Variants in KLRD1 observed in about 807,000 individuals in gnomAD.
The protein encoded by KLRD1 is natural killer cells antigen CD94.
In KLRD1, 21 loss-of-function variants were observed where a neutral mutation model predicts 22.6. The ratio of observed to expected loss-of-function variants is 0.93; its 90% CI spans 0.66 to 1.34. The LOEUF is 1.34. Among genes scored for constraint, KLRD1 ranks in the 40% most tolerant of loss-of-function variants. The pLI is 0.00. For synonymous variants in KLRD1, 59 were observed against 71.1 expected, an observed-to-expected ratio of 0.83 and a Z score of 0.85; for missense variants, 183 against 208.6, an observed-to-expected ratio of 0.88 and a Z score of 0.76.
At chr12:10,290,831 A>T (rs923962719) in intron 1 of KLRD1, among the ~76,000 whole-genome samples, 1 of 143,264 alleles carries the variant, frequency 7.0e-6, no homozygotes, top group African/African-American at 3.0e-5. Flanking sequence ...ATAAAATGAC[A>T]TATATATATA....
At position 10,315,027 on chromosome 12, in the gene KLRD1, ATG is replaced by A; in HGVS notation, c.*236_*237del. On this transcript the variant is annotated 3_prime_UTR_variant, in exon 6 of 6. Coordinates refer to ENST00000336164, the MANE Select transcript of KLRD1 (RefSeq NM_002262.5). Reference sequence around the variant, plus strand: ...ATAAAGAATTTTGTATTTTCATTTAATGTATATATTTAATGTTAAATTCAATG... The same window carrying A: ...ATAAAGAATTTTGTATTTTCATTTAATATATATTTAATGTTAAATTCAATG... 1 of 316,770 alleles carries A rather than the reference ATG, an allele frequency of 3.2e-6. No homozygotes were observed. Among genetic ancestry groups the A allele is most frequent in the Non-Finnish European group, 5.6e-6 (1 of 179,990 alleles). 19.6% of individuals were successfully genotyped at this position (316,770 alleles called of 1,614,324 possible).
intron 1 of KLRD1, among the ~76,000 whole-genome samples, chr12:10,282,262 T>C (rs1345371846): frequency 1.3e-5 from 2 of 151,966 alleles, no homozygotes; most frequent in Non-Finnish European, 2.9e-5. Flanking sequence ...ACATACATTT[T>C]TTTTTTTTTT....
At chr12:10,308,433 T>A in intron 1 of KLRD1, 1 of 260,688 alleles carries the variant, frequency 3.8e-6, no homozygotes, top group Middle Eastern at 1.4e-3. Flanking sequence ...GCTGAAAAGG[T>A]TTTAATTGAC....
chr12:10,274,945 C>T (rs1483832810), intron 1 of KLRD1, among the ~76,000 whole-genome samples: 1 of 152,106 alleles, frequency 6.6e-6, no homozygotes, highest in Non-Finnish European at 1.5e-5. Flanking sequence ...GGCTGGAGTG[C>T]AATGGTGTGA....
upstream of KLRD1, among the ~76,000 whole-genome samples, chr12:10,305,864 T>C (rs563388606): frequency 7.2e-5 from 11 of 151,898 alleles, no homozygotes; most frequent in African/African-American, 2.7e-4. Context: ...CGTACAAAAA[T>C]AAATAGAAAG....
rs1286333510 is a variant in KLRD1 at position 10,326,602 on chromosome 12, G to A, written c.*11809G>A. The A allele has an allele frequency of 6.6e-6, 1 of 152,148 alleles. No individual in the cohort carries two copies. Among genetic ancestry groups the A allele is most frequent in the Non-Finnish European group, 1.5e-5 (1 of 68,042 alleles). The allele number at this position is 152,148 out of a possible 1,614,324, so 9.4% of individuals were successfully genotyped here. A position where few individuals can be genotyped will look rare whatever the true frequency, so the allele number is the denominator to read the frequency against. On this transcript the variant is annotated 3_prime_UTR_variant, in exon 6 of 6. Coordinates refer to ENST00000336164, the MANE Select transcript of KLRD1 (RefSeq NM_002262.5). ...GGTTGCACCTTTTTGTTTCTGATTA[G>A]CCTTTCCAAAGGAGGCAATCAGATA...
rs72326980 is a variant in KLRD1 at position 10,242,071 on chromosome 12, GT to G, written c.-101+15857del. Among the ~76,000 whole-genome samples, 204 of 99,396 alleles carry G rather than the reference GT, an allele frequency of 2.1e-3. 1 individual carries two copies. Among genetic ancestry groups the G allele is most frequent in the East Asian group, 0.014 (47 of 3,364 alleles). The allele number at this position is 99,396 out of a possible 152,430, so 65.2% of individuals were successfully genotyped here. A position where few individuals can be genotyped will look rare whatever the true frequency, so the allele number is the denominator to read the frequency against. ...GGATTTCTTTGTTACTGTTCTTGCT[GT>G]TTTTTTTTTTTTTTTTTTCAGAGAA... On this transcript the variant is annotated intron_variant, in intron 1 of 5. Transcript: ENST00000544747.
At chr12:10,278,570 T>C (rs74062163) in intron 1 of KLRD1, among the ~76,000 whole-genome samples, 2,383 of 152,270 alleles carry the variant, frequency 0.016, 53 homozygotes, top group African/African-American at 0.054. Context: ...GCTGTCTTGA[T>C]TCCTATTTAT....
chr12:10,290,171 G>T (rs933446469), intron 1 of KLRD1, among the ~76,000 whole-genome samples: 2 of 152,188 alleles, frequency 1.3e-5, no homozygotes, highest in Non-Finnish European at 2.9e-5. Context: ...AAATATAACT[G>T]CAAAGGCATT....
At chr12:10,269,812 C>T (rs4763487) in intron 1 of KLRD1, among the ~76,000 whole-genome samples, 18,810 of 151,426 alleles carry the variant, frequency 0.12, 1,952 homozygotes, top group East Asian at 0.44. Flanking sequence ...TCTTATAGTA[C>T]GGAGTATTTG....
At chr12:10,249,959 A>G (rs80102692) in intron 1 of KLRD1, among the ~76,000 whole-genome samples, 1 of 151,972 alleles carries the variant, frequency 6.6e-6, no homozygotes, top group African/African-American at 2.4e-5. Flanking sequence ...ATGGTTTTCA[A>G]CTCTAACAAA....
intron 1 of KLRD1, among the ~76,000 whole-genome samples, chr12:10,275,607 G>A (rs536195431): frequency 8.3e-4 from 126 of 152,208 alleles, no homozygotes; most frequent in South Asian, 8.1e-3. Context: ...TAGGTGTTGC[G>A]GGAATTGTTG....
At chr12:10,239,555 CTTTCTT>C (rs1949220976) in intron 1 of KLRD1, among the ~76,000 whole-genome samples, 1 of 120,758 alleles carries the variant, frequency 8.3e-6, no homozygotes, top group African/African-American at 4.3e-5. Flanking sequence ...TTCTTTCTTT[CTTTCTT>C]TCTTTCTTTC....
chr12:10,312,931 G>A (rs375063223), intron 4 of KLRD1, among the ~76,000 whole-genome samples: 24 of 151,732 alleles, frequency 1.6e-4, no homozygotes, highest in African/African-American at 5.6e-4. Flanking sequence ...AGCTTGCAGT[G>A]AGCTGAGATC....
chr12:10,280,102 G>A (rs1327821921), intron 1 of KLRD1, among the ~76,000 whole-genome samples: 4 of 152,220 alleles, frequency 2.6e-5, no homozygotes, highest in African/African-American at 2.4e-5. Flanking sequence ...CAATAACATC[G>A]GTGGTCTAGG....
At chr12:10,267,611 A>G (rs947065900) in intron 1 of KLRD1, among the ~76,000 whole-genome samples, 6 of 152,198 alleles carry the variant, frequency 3.9e-5, no homozygotes, top group African/African-American at 1.4e-4. Flanking sequence ...GGTACATAAG[A>G]TATCATAACA....
At position 10,323,747 on chromosome 12, in the gene KLRD1, C is replaced by T. The variant is rs560797035; in HGVS notation, c.*8954C>T. ...TTTCTATGTTTTATATAGATAGAATCATATAATATGTACATCTGTGTTCTA... is the reference window on the plus strand; with the variant it reads ...TTTCTATGTTTTATATAGATAGAATTATATAATATGTACATCTGTGTTCTA... On this transcript the variant is annotated 3_prime_UTR_variant, in exon 6 of 6. Coordinates refer to ENST00000336164, the MANE Select transcript of KLRD1 (RefSeq NM_002262.5). The T allele has an allele frequency of 3.6e-4, 55 of 151,658 alleles. No individual in the cohort carries two copies. The highest frequency in any genetic ancestry group is 1.3e-3 in the African/African-American group (53 of 41,414). 9.4% of individuals were successfully genotyped at this position (151,658 alleles called of 1,614,324 possible). A position where few individuals can be genotyped will look rare whatever the true frequency, so the allele number is the denominator to read the frequency against.
At chr12:10,276,160 T>TAA (rs1217340365) in intron 1 of KLRD1, among the ~76,000 whole-genome samples, 2 of 152,200 alleles carry the variant, frequency 1.3e-5, no homozygotes, top group Non-Finnish European at 2.9e-5. Context: ...TCAGTTTACT[T>TAA]ACTCTACCTT....
chr12:10,257,628 TTTAG>T (rs1949411928), intron 1 of KLRD1, among the ~76,000 whole-genome samples: 1 of 141,774 alleles, frequency 7.1e-6, no homozygotes. Context: ...CCCACTTTTC[TTTAG>T]TTATTTTTCT....
Sources: gnomAD v4.1 joint callset for allele counts (sites outside exome capture counted in the v4.1 genomes callset) on GRCh38, gnomAD v4.1.1 for gene constraint, MANE v1.5 for transcripts, NCBI Gene and HGNC (gene_info 2026-07-23, HGNC 2026-07-21) for gene names.